The following TCP1 variants were observed in gnomAD, a reference collection of about 807,000 sequenced individuals.
TCP1 encodes the protein t-complex 1.
In TCP1, 6 loss-of-function variants were observed where a neutral mutation model predicts 54.7. The observed-to-expected ratio is 0.11, with a 90% CI of 0.06 to 0.22. The LOEUF is 0.22. Ranked by LOEUF, TCP1 falls within the 10% of genes least tolerant of loss-of-function variation. The probability of loss-of-function intolerance (pLI) is 1.00; values close to 1 mark genes in which losing one functional copy is unlikely to be tolerated. For synonymous variants in TCP1, 225 were observed against 229.7 expected, an observed-to-expected ratio of 0.98 and a Z score of 0.19; for missense variants, 511 against 678.2, an observed-to-expected ratio of 0.75 and a Z score of 2.74.
At position 159,784,867 on chromosome 6, in the gene TCP1, C is replaced by G. The variant is rs776261770; in HGVS notation, c.489-20G>C. 4 of 1,613,810 alleles carry G rather than the reference C, an allele frequency of 2.5e-6. No individual in the cohort carries two copies. The African/African-American group carries it at 4.0e-5, about 16-fold the overall frequency. On this transcript the variant is annotated intron_variant, in intron 5 of 11. Coordinates refer to ENST00000321394, the MANE Select transcript of TCP1 (RefSeq NM_030752.3). ...CCATTTCTACGCCAAAAGTTAAGGA[C>G]AGTAACAGGTTTGGAATGGACAAAG...
Position 159,782,908 on chromosome 6 carries a change from G to C in TCP1, c.797+1033C>G, listed in dbSNP as rs945993576. On this transcript the variant is annotated intron_variant, in intron 7 of 11. Coordinates refer to ENST00000321394, the MANE Select transcript of TCP1 (RefSeq NM_030752.3). ...TAATCAAAGGGTTGCTAAAGGTCAA[G>C]TAAGAGGAAGGCTGAAAATGTCTTC... Among the ~76,000 whole-genome samples the C allele has an allele frequency of 3.3e-5, 5 of 152,354 alleles. No individual in the cohort carries two copies. The South Asian group carries it at 6.2e-4, about 19-fold the overall frequency.
Position 159,779,761 on chromosome 6 carries a change from C to T in TCP1, c.1320G>A (p.Glu440=). The change falls in exon 11 of 12, where the codon GAG becomes GAA. Residue 440 remains glutamate, a synonymous_variant. Coordinates refer to ENST00000321394, the MANE Select transcript of TCP1 (RefSeq NM_030752.3). ...GAATAACAAGAAGTGATCTTGCAAACTCTGCAATCGCAAGCTGTTCCCGAG... is the reference window on the plus strand; with the variant it reads ...GAATAACAAGAAGTGATCTTGCAAATTCTGCAATCGCAAGCTGTTCCCGAG... The part of the protein sequence containing the change: ...MGSREQLAIA[E]FARSLLVIPN... 6.2e-7 allele frequency: 1 copy of T among 1,608,446 alleles called. No individual in the cohort carries two copies. Among genetic ancestry groups the T allele is most frequent in the Non-Finnish European group, 8.5e-7 (1 of 1,178,592 alleles).
At position 159,780,342 on chromosome 6, in the gene TCP1, C is replaced by T. The variant is rs754027250; in HGVS notation, c.1097+101G>A. 9.1e-5 allele frequency: 140 copies of T among 1,540,098 alleles called. 1 individual carries two copies. Among genetic ancestry groups the T allele is most frequent in the South Asian group, 6.6e-4 (59 of 88,742 alleles). On this transcript the variant is annotated intron_variant, in intron 9 of 11. Coordinates refer to ENST00000321394, the MANE Select transcript of TCP1 (RefSeq NM_030752.3). ...ATTTTATCCCATGCGTATAACTGCT[C>T]GTATCACTGTGAGACTACAAGCAGC...
rs1780506776 is a variant in TCP1, at chr6:159,779,062, C to T, written c.1654G>A (p.Gly552Arg). The change falls in exon 12 of 12, where the codon GGA (glycine) becomes AGA (arginine). Residue 552 changes from glycine to arginine, a missense_variant. Gly to Arg is a moderately radical substitution (Grantham distance 125). Coordinates refer to ENST00000321394, the MANE Select transcript of TCP1 (RefSeq NM_030752.3). ...HGSYEDAVHS[G>R]ALND Reference sequence around the variant, plus strand: ...ACATCAGATCAATCATTAAGGGCTCCAGAGTGAACAGCATCTTCATAACTT... The same window carrying T: ...ACATCAGATCAATCATTAAGGGCTCTAGAGTGAACAGCATCTTCATAACTT... The T allele has an allele frequency of 1.2e-6, 2 of 1,613,750 alleles. No homozygotes were observed. The highest frequency in any genetic ancestry group is 1.7e-6 in the Non-Finnish European group (2 of 1,179,808).
intron 7 of TCP1, 32 bp from the exon 8 acceptor site, chr6:159,781,142 TC>T (rs1342191932): frequency 6.7e-7 from 1 of 1,499,514 alleles, no homozygotes; most frequent in African/African-American, 1.4e-5. Context: ...TGAGTTACCT[TC>T]TGTGATTTTT....
intron 3 of TCP1, 154 bp from the exon 4 acceptor site, chr6:159,786,151 G>C: frequency 3.3e-6 from 2 of 606,178 alleles, no homozygotes; most frequent in South Asian, 2.1e-5. Flanking sequence ...GAAGGGAGAA[G>C]AACGCTACAA....
intron 1 of TCP1, 39 bp from the exon 2 acceptor site, chr6:159,788,182 T>G (rs770679314): frequency 1.3e-6 from 2 of 1,585,096 alleles, no homozygotes; most frequent in Non-Finnish European, 1.7e-6. Context: ...GAAATGAGGA[T>G]AAGCCACAAC....
intron 7 of TCP1, 43 bp downstream of exon 7, chr6:159,783,898 A>C: frequency 6.5e-7 from 1 of 1,543,634 alleles, no homozygotes; most frequent in Non-Finnish European, 8.7e-7. Flanking sequence ...AAGTCCTCCA[A>C]GACACTCACA....
rs1780742695 is a variant in TCP1, at chr6:159,788,150, ACAAT to A, written c.65-11_65-8del. ...ATCGAAGCTGCAGCCATAACTGTAG[ACAAT>A]CAATTAAAAATAAAAAAGAAATGAG... is the stretch of plus-strand genomic sequence containing the variant. On this transcript the variant is annotated splice_region_variant and splice_polypyrimidine_tract_variant and intron_variant, in intron 1 of 11. Coordinates refer to ENST00000321394, the MANE Select transcript of TCP1 (RefSeq NM_030752.3). The A allele has an allele frequency of 2.5e-6, 4 of 1,613,236 alleles. No individual in the cohort carries two copies. The highest frequency in any genetic ancestry group is 1.1e-5 in the South Asian group (1 of 90,996).
intron 8 of TCP1, 118 bp from the exon 9 acceptor site, chr6:159,780,684 A>G: frequency 7.3e-7 from 1 of 1,360,622 alleles, no homozygotes; most frequent in East Asian, 2.3e-5. Flanking sequence ...TTAGTTAGGC[A>G]GCACACGGTA....
Position 159,780,477 on chromosome 6 carries a change from T to C in TCP1, c.1063A>G (p.Arg355Gly). 1 of 1,614,078 alleles carries C rather than the reference T, an allele frequency of 6.2e-7. No individual in the cohort carries two copies. Among genetic ancestry groups the C allele is most frequent in the East Asian group, 2.2e-5 (1 of 44,864 alleles). The stretch of plus-strand genomic sequence containing the variant: ...AAGATCAGCTCATCATCACAAATTC[T>C]CTCCTGTACCACTTCTTCTGCCTGT... ...LGQAEEVVQE[R>G]ICDDELILIK... Residue 355 changes from arginine (R) to glycine (G), a missense_variant, in exon 9 of 12, where the codon AGA becomes GGA. Physicochemically the swap from Arg to Gly is moderately radical, Grantham distance 125. Coordinates refer to ENST00000321394, the MANE Select transcript of TCP1 (RefSeq NM_030752.3).
chr6:159,789,080 G>T, intron 1 of TCP1: 1 of 375,752 alleles, frequency 2.7e-6, no homozygotes, highest in South Asian at 4.2e-5. Context: ...AAACAAAAGG[G>T]GGTGCGAGGC....
chr6:159,786,460 G>C (rs189866280), intron 3 of TCP1, among the ~76,000 whole-genome samples: 25 of 152,146 alleles, frequency 1.6e-4, no homozygotes, highest in African/African-American at 5.8e-4. Context: ...AACCGTAAAA[G>C]ACAACACATC....
At chr6:159,789,378 C>T (rs373245498) in intron 1 of TCP1, 27 bp downstream of exon 1, 3 of 1,613,002 alleles carry the variant, frequency 1.9e-6, no homozygotes, top group Non-Finnish European at 2.5e-6. Flanking sequence ...CGGCCGCAAA[C>T]CCGACCCAGG....
At chr6:159,779,845 T>C (rs1780529314) in intron 10 of TCP1, 50 bp downstream of exon 10, 1 of 1,591,698 alleles carries the variant, frequency 6.3e-7, no homozygotes, top group Non-Finnish European at 8.5e-7. Context: ...AAAATTGAAG[T>C]CCACAGCTAC....
chr6:159,781,203 C>A lies in TCP1; in HGVS notation c.798-93G>T, dbSNP rs745948599. Reference sequence around the variant, plus strand: ...TATTTATCACAAGATAATCATAGATCAAATTGTATTATCCTTTGTTATCTC... The same window carrying A: ...TATTTATCACAAGATAATCATAGATAAAATTGTATTATCCTTTGTTATCTC... On this transcript the variant is annotated intron_variant, in intron 7 of 11. Transcript: ENST00000321394. 1.4e-5 allele frequency: 16 copies of A among 1,104,686 alleles called. No homozygotes were observed. The African/African-American group carries it at 2.6e-4, about 18-fold the overall frequency. The allele number at this position is 1,104,686 out of a possible 1,614,324, so 68.4% of individuals were successfully genotyped here.
At chr6:159,779,312 G>T in intron 11 of TCP1, 51 bp from the exon 12 acceptor site, 2 of 1,471,916 alleles carry the variant, frequency 1.4e-6, no homozygotes, top group South Asian at 1.2e-5. Flanking sequence ...TCATTAGGTG[G>T]CCTATTAACT....
Position 159,787,731 on chromosome 6 carries a change from C to T in TCP1, c.279+12G>A, listed in dbSNP as rs536429922. The T allele has an allele frequency of 6.2e-6, 10 of 1,608,058 alleles. No individual in the cohort carries two copies. In the East Asian group the frequency reaches 2.2e-4, roughly 36 times the overall value. On this transcript the variant is annotated intron_variant, in intron 3 of 11. Coordinates refer to ENST00000321394, the MANE Select transcript of TCP1 (RefSeq NM_030752.3). ...TTTAGAAAAATGATCATTCTTTAGC[C>T]AGTCTACCTACCACTGAAGTAGTTC...
In TCP1 at chr6:159,781,045, G is replaced by T. The variant is rs1356027521; in HGVS notation, c.863C>A (p.Thr288Asn). 1 of 1,612,848 alleles carries T rather than the reference G, an allele frequency of 6.2e-7. No homozygotes were observed. Among genetic ancestry groups the T allele is most frequent in the African/African-American group, 1.3e-5 (1 of 74,856 alleles). ...ILATGANVIL[T>N]TGGIDDMCLK... The stretch of plus-strand genomic sequence containing the variant: ...ACACATATCATCAATTCCACCAGTG[G>T]TTAGAATAACATTGGCACCAGTTGC... Residue 288 changes from threonine (T) to asparagine (N), a missense_variant, in exon 8 of 12, where the codon ACC becomes AAC. This residue lies in a region of TCP1 where 305 missense variants were observed against 352.8 expected (regional missense o/e 0.86). Transcript: ENST00000321394.
Sources: gnomAD v4.1 joint callset for allele counts (sites outside exome capture counted in the v4.1 genomes callset) on GRCh38, gnomAD v4.1.1 for gene constraint, gnomAD v4.1.1 regional missense constraint, MANE v1.5 for transcripts, NCBI Gene and HGNC (gene_info 2026-07-23, HGNC 2026-07-21) for gene names.